PHTF2: variants seen among roughly 807,000 people sequenced by gnomAD.
PHTF2 encodes the protein putative homeodomain transcription factor 2, also known as protein PHTF2.
In PHTF2, 60 loss-of-function variants were observed where a neutral mutation model predicts 101.2. The observed-to-expected ratio is 0.59, with a 90% CI of 0.48 to 0.73. The LOEUF is 0.73. PHTF2 is among the 30% of genes least tolerant of loss of function. The pLI is 0.00. For synonymous variants in PHTF2, 311 were observed against 307.3 expected, an observed-to-expected ratio of 1.01 and a Z score of -0.13; for missense variants, 747 against 908.7, an observed-to-expected ratio of 0.82 and a Z score of 2.29.
At chr7:77,865,601 G>T (rs1797991899) in intron 3 of PHTF2, among the ~76,000 whole-genome samples, 1 of 152,038 alleles carries the variant, frequency 6.6e-6, no homozygotes, top group East Asian at 1.9e-4. Context: ...GCTTATTACA[G>T]CCTGACTTGA....
intron 1 of PHTF2, among the ~76,000 whole-genome samples, chr7:77,826,881 G>A (rs1794730841): frequency 6.6e-6 from 1 of 152,198 alleles, no homozygotes; most frequent in African/African-American, 2.4e-5. Context: ...AATACTGCTT[G>A]ATGATTAAAT....
chr7:77,811,682 G>A (rs1426787889), intron 1 of PHTF2, among the ~76,000 whole-genome samples: 3 of 151,978 alleles, frequency 2.0e-5, no homozygotes, highest in Non-Finnish European at 4.4e-5. Context: ...CTTACTTTCT[G>A]ATCCAACAAG....
chr7:77,916,786 G>A (rs911231473), intron 9 of PHTF2, among the ~76,000 whole-genome samples: 2 of 152,056 alleles, frequency 1.3e-5, no homozygotes, highest in African/African-American at 2.4e-5. Context: ...TAAATGTTAT[G>A]TAAATCATTA....
At chr7:77,868,322 A>ATTTTTT (rs761861776) in intron 3 of PHTF2, among the ~76,000 whole-genome samples, 11 of 78,522 alleles carry the variant, frequency 1.4e-4, no homozygotes, top group African/African-American at 3.9e-4. Context: ...TTAAAAAAAA[A>ATTTTTT]TTTTTTTTTT....
chr7:77,833,406 T>G (rs17147784), intron 1 of PHTF2, among the ~76,000 whole-genome samples: 1,868 of 152,252 alleles, frequency 0.012, 37 homozygotes, highest in African/African-American at 0.042. Flanking sequence ...TACAAGGTTG[T>G]TGGAATGGAA....
Position 77,893,635 on chromosome 7 carries a change from G to GA in PHTF2, c.180dup (p.Ser61IlefsTer3). 1 of 1,439,556 alleles carries GA rather than the reference G, an allele frequency of 6.9e-7. No homozygotes were observed. Among genetic ancestry groups the GA allele is most frequent in the Non-Finnish European group, 9.7e-7 (1 of 1,034,456 alleles). The allele number at this position is 1,439,556 out of a possible 1,614,324, so 89.2% of individuals were successfully genotyped here. A position where few individuals can be genotyped will look rare whatever the true frequency, so the allele number is the denominator to read the frequency against. On this transcript the variant is annotated frameshift_variant, in exon 4 of 20. Coordinates refer to ENST00000416283, the Ensembl canonical transcript of PHTF2. LOFTEE classifies it high-confidence loss of function. ...TGGAGCATATGATCAACAAATATGGGAAAAATCTGTTGAACAGAGAGAAAT... is the reference window on the plus strand; with the variant it reads ...TGGAGCATATGATCAACAAATATGGGAAAAAATCTGTTGAACAGAGAGAAAT...
intron 2 of PHTF2, among the ~76,000 whole-genome samples, chr7:77,840,952 T>C (rs1475260089): frequency 1.3e-5 from 2 of 152,110 alleles, no homozygotes; most frequent in African/African-American, 4.8e-5. Context: ...AGATCTTTTG[T>C]GTACATAGTG....
intron 3 of PHTF2, among the ~76,000 whole-genome samples, chr7:77,871,742 G>C (rs1798537467): frequency 1.3e-5 from 2 of 152,186 alleles, no homozygotes; most frequent in Admixed American, 1.3e-4. Context: ...TGTCAATCCA[G>C]CTGCTTCAGA....
At chr7:77,915,975 GTGTC>G (rs1318962027) in intron 9 of PHTF2, among the ~76,000 whole-genome samples, 1 of 113,128 alleles carries the variant, frequency 8.8e-6, no homozygotes, top group African/African-American at 3.0e-5. Flanking sequence ...GTAGATTTGT[GTGTC>G]TGTGTGTGTG....
At chr7:77,939,216 CCTTT>C (rs1805421667) in intron 13 of PHTF2, among the ~76,000 whole-genome samples, 1 of 152,002 alleles carries the variant, frequency 6.6e-6, no homozygotes, top group East Asian at 1.9e-4. Context: ...CACCTTTTTC[CCTTT>C]CTGTTTAATT....
chr7:77,826,004 T>C (rs1794672583), intron 1 of PHTF2, among the ~76,000 whole-genome samples: 1 of 152,164 alleles, frequency 6.6e-6, no homozygotes, highest in South Asian at 2.1e-4. Flanking sequence ...TATTTGCAGA[T>C]TGACAGGCAC....
Position 77,908,896 on chromosome 7 carries a change from T to A in PHTF2, c.549T>A (p.His183Gln), listed in dbSNP as rs766452002. 3.1e-6 allele frequency: 5 copies of A among 1,613,268 alleles called. No homozygotes were observed. The East Asian group carries it at 1.1e-4, about 36-fold the overall frequency. The change falls in exon 8 of 20, where the codon CAT becomes CAA. Residue 183 changes from histidine (H) to glutamine (Q), a missense_variant. Transcript: ENST00000416283. ...TGATGCTGCTCCTGGGAACTGTGCA[T>A]TGCCAGATTGTTTCCACAAGAACAC...
At chr7:77,934,909 A>G (rs1162999864) in intron 12 of PHTF2, among the ~76,000 whole-genome samples, 1 of 152,150 alleles carries the variant, frequency 6.6e-6, no homozygotes, top group Non-Finnish European at 1.5e-5. Flanking sequence ...CAGTTAGCCA[A>G]GAACCACACT....
intron 11 of PHTF2, 111 bp downstream of exon 10, chr7:77,922,889 CAA>C (rs1201310995): frequency 7.9e-7 from 1 of 1,266,222 alleles, no homozygotes; most frequent in Non-Finnish European, 1.1e-6. Flanking sequence ...ACATTATTAT[CAA>C]TATTTATTAT....
intron 9 of PHTF2, among the ~76,000 whole-genome samples, chr7:77,915,608 AC>A (rs1346604645): frequency 3.9e-5 from 6 of 152,192 alleles, no homozygotes; most frequent in African/African-American, 1.2e-4. Flanking sequence ...TTACAAAAAA[AC>A]ATTTTCACTG....
At chr7:77,917,612 A>G (rs1466088726) in intron 9 of PHTF2, among the ~76,000 whole-genome samples, 1 of 152,074 alleles carries the variant, frequency 6.6e-6, no homozygotes, top group African/African-American at 2.4e-5. Flanking sequence ...ATTATCCTCA[A>G]TATGTTTACT....
Position 77,954,874 on chromosome 7 carries a change from C to A in PHTF2, c.2354C>A (p.Ser785Ter). 2.0e-6 allele frequency: 3 copies of A among 1,503,300 alleles called. No individual in the cohort carries two copies. The highest frequency in any genetic ancestry group is 2.4e-5 in the South Asian group (2 of 83,168). The allele number at this position is 1,503,300 out of a possible 1,614,324, so 93.1% of individuals were successfully genotyped here. A position where few individuals can be genotyped will look rare whatever the true frequency, so the allele number is the denominator to read the frequency against. Residue 785 changes from serine to a stop codon, truncating the protein, a stop_gained, in exon 20 of 20, where the codon TCA (serine) becomes TAA (stop). Transcript: ENST00000416283. LOFTEE classifies it high-confidence loss of function. ...TTTTTCTAGCTATGGAAGATTAAGT[C>A]ATGACAATTCAAAGAAAAGAAGATG...
intron 1 of PHTF2, among the ~76,000 whole-genome samples, chr7:77,824,300 G>T (rs539205070): frequency 6.6e-6 from 1 of 151,260 alleles, no homozygotes; most frequent in Non-Finnish European, 1.5e-5. Flanking sequence ...ACAAATTCAC[G>T]GAAGAGCTTA....
chr7:77,909,051 T>G, intron 8 of PHTF2, 93 bp downstream of exon 7: 1 of 718,894 alleles, frequency 1.4e-6, no homozygotes, highest in Non-Finnish European at 2.1e-6. Context: ...GACTAAAATC[T>G]TATCTTGTAA....
Sources: gnomAD v4.1 joint callset for allele counts (sites outside exome capture counted in the v4.1 genomes callset) on GRCh38, gnomAD v4.1.1 for gene constraint, MANE v1.5 for transcripts, NCBI Gene and HGNC (gene_info 2026-07-23, HGNC 2026-07-21) for gene names.